CDKL3: variants seen among roughly 807,000 people sequenced by gnomAD.
CDKL3 encodes cyclin dependent kinase like 3, also known as cyclin-dependent kinase-like 3.
Under a neutral mutation model 69.3 loss-of-function variants are expected in CDKL3, and 65 were observed. The ratio of observed to expected loss-of-function variants is 0.94; its 90% CI spans 0.77 to 1.15. CDKL3 has a LOEUF of 1.15. Among genes scored for constraint, CDKL3 ranks in the 50% most tolerant of loss-of-function variants. The pLI is 0.00. For synonymous variants in CDKL3, 202 were observed against 221.6 expected (o/e 0.91, Z 0.79); for missense variants, 652 against 689.2 (o/e 0.95, Z 0.61).
intron 12 of CDKL3, chr5:134,299,368 A>G (rs936183500): frequency 2.3e-5 from 10 of 438,904 alleles, no homozygotes; most frequent in Non-Finnish European, 3.0e-5. Flanking sequence ...GCCCTAAACC[A>G]ATGCTAAGAA....
At chr5:134,338,458 G>A (rs1777617212) in intron 4 of CDKL3, among the ~76,000 whole-genome samples, 1 of 152,120 alleles carries the variant, frequency 6.6e-6, no homozygotes, top group South Asian at 2.1e-4. Flanking sequence ...GGGAGGCTGA[G>A]GCAGGAGAAT....
Position 134,308,028 on chromosome 5 carries a change from T to C in CDKL3, c.1364+110A>G, listed in dbSNP as rs1768353192. On this transcript the variant is annotated intron_variant, in intron 9 of 12. Transcript: ENST00000265334. Reference sequence around the variant, plus strand: ...GCCCATTATACAGCTTTAATTTCAATATATTTTCTTCAAGTTCAGTTTACA... The same window carrying C: ...GCCCATTATACAGCTTTAATTTCAACATATTTTCTTCAAGTTCAGTTTACA... 6 of 1,430,910 alleles carry C rather than the reference T, an allele frequency of 4.2e-6. No homozygotes were observed. In the South Asian group the frequency reaches 9.2e-5, roughly 22 times the overall value. 88.6% of individuals were successfully genotyped at this position (1,430,910 alleles called of 1,614,324 possible). A position where few individuals can be genotyped will look rare whatever the true frequency, so the allele number is the denominator to read the frequency against.
intron 4 of CDKL3, among the ~76,000 whole-genome samples, chr5:134,326,809 A>ATG (rs200681185): frequency 2.3e-5 from 3 of 127,722 alleles, no homozygotes; most frequent in African/African-American, 6.0e-5. Flanking sequence ...ATATATATAT[A>ATG]TGTGTGTGTA....
chr5:134,346,261 T>G (rs2149583903), intron 4 of CDKL3, among the ~76,000 whole-genome samples: 1 of 152,302 alleles, frequency 6.6e-6, no homozygotes, highest in Middle Eastern at 3.4e-3. Flanking sequence ...CTTGCTGGGT[T>G]TATTACCATT....
upstream of CDKL3, among the ~76,000 whole-genome samples, chr5:134,369,725 C>A (rs147629401): frequency 6.6e-6 from 1 of 152,230 alleles, no homozygotes; most frequent in African/African-American, 2.4e-5. Flanking sequence ...TGTGCGCCAC[C>A]ATGCCTGGCT....
intron 5 of CDKL3, among the ~76,000 whole-genome samples, chr5:134,320,025 C>A (rs779858315): frequency 5.3e-5 from 8 of 152,024 alleles, no homozygotes; most frequent in Non-Finnish European, 1.0e-4. Flanking sequence ...AGTTCTGTGA[C>A]CTTGGGTAAA....
Position 134,342,086 on chromosome 5 carries a change from A to ATGACGAACCC in CDKL3, c.539+8153_539+8162dup, listed in dbSNP as rs1190608386. ...ATGTCCTTCATCTCCTTGGCACGAG[A>ATGACGAACCC]TGACGAACCCTGGGTATTTACTCCA... On this transcript the variant is annotated intron_variant, in intron 4 of 12. Transcript: ENST00000265334. Among the ~76,000 whole-genome samples, 7 of 152,258 alleles carry ATGACGAACCC rather than the reference A, an allele frequency of 4.6e-5. No homozygotes were observed. The East Asian group carries it at 1.4e-3, about 29-fold the overall frequency.
upstream of CDKL3, among the ~76,000 whole-genome samples, chr5:134,369,879 A>G (rs1758165010): frequency 6.6e-6 from 1 of 151,854 alleles, no homozygotes; most frequent in Non-Finnish European, 1.5e-5. Flanking sequence ...TCTCTTTACC[A>G]TTTTTCTCCA....
chr5:134,314,512 G>A (rs1333264639), intron 6 of CDKL3, among the ~76,000 whole-genome samples: 1 of 152,108 alleles, frequency 6.6e-6, no homozygotes, highest in African/African-American at 2.4e-5. Flanking sequence ...ATGTTCTCAT[G>A]GCAACTTTAT....
chr5:134,350,865 A>G (rs1753128073), intron 3 of CDKL3, among the ~76,000 whole-genome samples: 1 of 150,788 alleles, frequency 6.6e-6, no homozygotes, highest in Non-Finnish European at 1.5e-5. Flanking sequence ...AAGAAAAAAG[A>G]AAGAAAGAAA....
At chr5:134,331,448 C>T (rs775563074) in intron 4 of CDKL3, among the ~76,000 whole-genome samples, 30 of 152,116 alleles carry the variant, frequency 2.0e-4, no homozygotes, top group Non-Finnish European at 3.8e-4. Flanking sequence ...AACACTATCC[C>T]TCCCCCGGGC....
At chr5:134,297,237 C>T (rs1036060092), downstream of CDKL3, among the ~76,000 whole-genome samples, 2 of 152,030 alleles carry the variant, frequency 1.3e-5, no homozygotes, top group Non-Finnish European at 2.9e-5. Flanking sequence ...TAGGCGTGAG[C>T]CACCGTGCCC....
chr5:134,314,247 A>G (rs1445014450), intron 6 of CDKL3, among the ~76,000 whole-genome samples: 1 of 152,224 alleles, frequency 6.6e-6, no homozygotes. Context: ...ACTAAAACTT[A>G]TAAGAAAAAT....
chr5:134,301,677 C>T (rs968981374), intron 12 of CDKL3, among the ~76,000 whole-genome samples: 1 of 151,890 alleles, frequency 6.6e-6, no homozygotes, highest in Non-Finnish European at 1.5e-5. Flanking sequence ...GTCAGGAGAT[C>T]GAGACCATCC....
chr5:134,328,690 C>T (rs1468827507), intron 4 of CDKL3, among the ~76,000 whole-genome samples: 1 of 152,058 alleles, frequency 6.6e-6, no homozygotes, highest in Non-Finnish European at 1.5e-5. Flanking sequence ...ACTCCAAGAA[C>T]AATAAGCACA....
chr5:134,356,001 T>C (rs1395842679), intron 3 of CDKL3, among the ~76,000 whole-genome samples: 2 of 152,228 alleles, frequency 1.3e-5, no homozygotes, highest in Non-Finnish European at 2.9e-5. Context: ...TTCAGGATGC[T>C]TCAAGTGCAT....
At chr5:134,359,462 C>T (rs1488852045) in intron 3 of CDKL3, among the ~76,000 whole-genome samples, 1 of 152,164 alleles carries the variant, frequency 6.6e-6, no homozygotes, top group Non-Finnish European at 1.5e-5. Flanking sequence ...TTTATATCTC[C>T]TTTCTTCCCC....
chr5:134,312,267 A>G (rs777732860), intron 7 of CDKL3, 25 bp downstream of exon 7: 10 of 1,389,504 alleles, frequency 7.2e-6, no homozygotes, highest in South Asian at 3.9e-5. Context: ...CTTTTAAAAA[A>G]CCCACATTCA....
In CDKL3 at chr5:134,312,354, G is replaced by C. The variant is rs766761904; in HGVS notation, c.819C>G (p.Asp273Glu). Residue 273 changes from aspartate (D) to glutamate (E), a missense_variant, in exon 7 of 13, where the codon GAC (aspartate) becomes GAG (glutamate). Coordinates refer to ENST00000265334, the MANE Select transcript of CDKL3 (RefSeq NM_001113575.2). Reference sequence around the variant, plus strand: ...GCAAAAGATCACTAGATGATATCCTGTCAGCAGGATCAATTTGTAAACAAG... The same window carrying C: ...GCAAAAGATCACTAGATGATATCCTCTCAGCAGGATCAATTTGTAAACAAG... ...VHACLQIDPA[D>E]RISSSDLLHH... The C allele has an allele frequency of 2.5e-6, 4 of 1,596,588 alleles. No homozygotes were observed. The South Asian group carries it at 3.5e-5, about 14-fold the overall frequency.
Sources: gnomAD v4.1 joint callset for allele counts (sites outside exome capture counted in the v4.1 genomes callset) on GRCh38, gnomAD v4.1.1 for gene constraint, MANE v1.5 for transcripts, NCBI Gene and HGNC (gene_info 2026-07-23, HGNC 2026-07-21) for gene names.